The following UGT3A2 variants were observed in gnomAD, a reference collection of about 807,000 sequenced individuals.
UGT3A2 encodes the protein UDP-glycosyltransferase 3A2.
UGT3A2 carries 32 observed loss-of-function variants against 39.8 expected under a neutral mutation model. That is an observed-to-expected ratio of 0.80 (90% CI 0.61 to 1.08). The LOEUF is 1.08. UGT3A2 is among the 50% of genes least tolerant of loss of function. UGT3A2 has a pLI of 0.00. For synonymous variants in UGT3A2, 241 were observed against 230.7 expected (o/e 1.04, Z -0.40); for missense variants, 611 against 637.1 (o/e 0.96, Z 0.44).
intron 2 of UGT3A2, among the ~76,000 whole-genome samples, chr5:36,060,027 G>C (rs1225809341): frequency 1.3e-5 from 2 of 152,164 alleles, no homozygotes. Context: ...GGACCAACTG[G>C]AGTCACACTC....
intron 2 of UGT3A2, among the ~76,000 whole-genome samples, chr5:36,060,101 G>A (rs1288831784): frequency 6.6e-6 from 1 of 152,210 alleles, no homozygotes; most frequent in East Asian, 1.9e-4. Context: ...GAAACTGTTA[G>A]AGCATCAGGG....
intron 3 of UGT3A2, 49 bp from the exon 4 acceptor site, chr5:36,049,469 C>A: frequency 7.2e-7 from 1 of 1,392,746 alleles, no homozygotes; most frequent in African/African-American, 1.4e-5. Context: ...GTTAAATTTA[C>A]AGTACATAAA....
intron 4 of UGT3A2, among the ~76,000 whole-genome samples, chr5:36,045,600 CAA>C (rs201945740): frequency 5.6e-5 from 5 of 89,064 alleles, no homozygotes; most frequent in Non-Finnish European, 2.3e-5. Flanking sequence ...TCCTCAGTCT[CAA>C]AAAAAAAAAA....
At chr5:36,036,166 T>C (rs1741821943) in intron 6 of UGT3A2, among the ~76,000 whole-genome samples, 192 bp from the exon 7 acceptor site, 1 of 152,130 alleles carries the variant, frequency 6.6e-6, no homozygotes, top group African/African-American at 2.4e-5. Flanking sequence ...ATGCTAAAAG[T>C]CTTAAACTTA....
chr5:36,045,792 A>G (rs150338258), intron 4 of UGT3A2, among the ~76,000 whole-genome samples: 567 of 152,260 alleles, frequency 3.7e-3, no homozygotes, highest in Non-Finnish European at 6.6e-3. Context: ...ATCAAGTTAG[A>G]AGGCTTCTAT....
chr5:36,049,367 C>A lies in UGT3A2; in HGVS notation c.365G>T (p.Ser122Ile). 6.2e-7 allele frequency: 1 copy of A among 1,606,664 alleles called. No individual in the cohort carries two copies. The highest frequency in any genetic ancestry group is 8.5e-7 in the Non-Finnish European group (1 of 1,177,888). ...GATATCCTTTCTATTTAAAAAATGA[C>A]TGCACTGCAACGCCAAGTATTCTAG... is the stretch of plus-strand genomic sequence containing the variant. The part of the protein sequence containing the change: ...NVLEYLALQC[S>I]HFLNRKDIMD... The change falls in exon 4 of 7, where the codon AGT becomes ATT. Residue 122 changes from serine to isoleucine, a missense_variant. Ser to Ile is a moderately radical substitution (Grantham distance 142). Transcript: ENST00000282507.
At chr5:36,048,820 T>A in intron 4 of UGT3A2, 69 bp downstream of exon 4, 2 of 1,555,332 alleles carry the variant, frequency 1.3e-6, no homozygotes, top group Non-Finnish European at 1.7e-6. Flanking sequence ...TACTGGCAAG[T>A]GGCAGCCACC....
rs1742816573 is a variant in UGT3A2 at position 36,064,418 on chromosome 5, A to G, written c.95-68T>C. The G allele has an allele frequency of 7.4e-6, 10 of 1,350,440 alleles. 1 individual carries two copies. The South Asian group carries it at 1.2e-4, about 17-fold the overall frequency. The allele number at this position is 1,350,440 out of a possible 1,614,324, so 83.7% of individuals were successfully genotyped here. On this transcript the variant is annotated intron_variant, in intron 1 of 6. Coordinates refer to ENST00000282507, the MANE Select transcript of UGT3A2 (RefSeq NM_174914.4). ...CAGTGTCTGAAGTCAGTAGTGATCA[A>G]TCCAGGAGAGGAAAGGTAAGGAAAC...
chr5:36,058,184 T>C (rs1385132931), intron 2 of UGT3A2, among the ~76,000 whole-genome samples: 1 of 152,216 alleles, frequency 6.6e-6, no homozygotes, highest in East Asian at 1.9e-4. Context: ...ATCCATAAAA[T>C]TGAATATCCA....
intron 3 of UGT3A2, among the ~76,000 whole-genome samples, chr5:36,050,962 C>A (rs182376443): frequency 1.3e-3 from 202 of 152,044 alleles, no homozygotes; most frequent in African/African-American, 4.7e-3. Flanking sequence ...TAAGAATGCA[C>A]TCTTAACTAT....
intron 6 of UGT3A2, among the ~76,000 whole-genome samples, 188 bp downstream of exon 6, chr5:36,037,609 G>C (rs1427353205): frequency 6.6e-6 from 1 of 152,140 alleles, no homozygotes; most frequent in Admixed American, 6.5e-5. Context: ...TAACTTAAAT[G>C]CTCTAGTCTT....
Position 36,049,146 on chromosome 5 carries a change from C to T in UGT3A2, c.586G>A (p.Asp196Asn). 3 of 1,614,134 alleles carry T rather than the reference C, an allele frequency of 1.9e-6. No homozygotes were observed. Among genetic ancestry groups the T allele is most frequent in the Non-Finnish European group, 2.5e-6 (3 of 1,180,034 alleles). ...AAATTCTTCACTCGGCCCCAGAAGT[C>T]CATGTGATCAGTCAGCAAGGAACGG... ...VFRSLLTDHM[D>N]FWGRVKNFLM... The change falls in exon 4 of 7, where the codon GAC becomes AAC. Residue 196 changes from aspartate (D) to asparagine (N), a missense_variant. Coordinates refer to ENST00000282507, the MANE Select transcript of UGT3A2 (RefSeq NM_174914.4).
intron 2 of UGT3A2, among the ~76,000 whole-genome samples, chr5:36,062,072 C>T (rs1742723033): frequency 6.6e-6 from 1 of 151,884 alleles, no homozygotes; most frequent in Non-Finnish European, 1.5e-5. Flanking sequence ...GTCCTTCACC[C>T]ACTTTTTGAT....
intron 4 of UGT3A2, among the ~76,000 whole-genome samples, chr5:36,044,481 G>A (rs1742106719): frequency 6.6e-6 from 1 of 152,138 alleles, no homozygotes; most frequent in Non-Finnish European, 1.5e-5. Context: ...TCTAGCTAGA[G>A]CAATCAGAAA....
chr5:36,056,019 G>A (rs75252649), intron 2 of UGT3A2, among the ~76,000 whole-genome samples: 2,393 of 152,184 alleles, frequency 0.016, 57 homozygotes, highest in African/African-American at 0.055. Context: ...TTACAGGCAT[G>A]AGCCACCGCG....
chr5:36,035,841 G>A lies in UGT3A2; in HGVS notation c.1429C>T (p.Gln477Ter). 6.2e-7 allele frequency: 1 copy of A among 1,614,196 alleles called. No individual in the cohort carries two copies. Among genetic ancestry groups the A allele is most frequent in the African/African-American group, 1.3e-5 (1 of 75,052 alleles). The change falls in exon 7 of 7, where the codon CAG (glutamine) becomes TAG (stop). Residue 477 changes from glutamine to a stop codon, truncating the protein, a stop_gained. Transcript: ENST00000282507. LOFTEE classifies it low-confidence loss of function (END_TRUNC). ...AGGTACTGCTCATGCCAGGGCTGCT[G>A]AAAGACATAGGGCTTGAGGTGCGTC... ...GATHLKPYVF[Q>*]QPWHEQYLLD... is the part of the protein sequence containing the mutation.
intron 4 of UGT3A2, among the ~76,000 whole-genome samples, chr5:36,041,515 A>T (rs1336964958): frequency 6.6e-6 from 1 of 152,174 alleles, no homozygotes; most frequent in African/African-American, 2.4e-5. Flanking sequence ...CCCCTCCCCC[A>T]ACTCCAGGCA....
chr5:36,066,587 A>C (rs1742885441), intron 1 of UGT3A2, 109 bp downstream of exon 1: 4 of 1,576,944 alleles, frequency 2.5e-6, no homozygotes, highest in Non-Finnish European at 3.5e-6. Context: ...CCGCAAGCCC[A>C]GCCTGGAAAA....
In UGT3A2 at chr5:36,052,000, C is replaced by T. The variant is rs773437297; in HGVS notation, c.197-16G>A. 6.0e-5 allele frequency: 91 copies of T among 1,504,916 alleles called. No individual in the cohort carries two copies. In the Admixed American group the frequency reaches 1.5e-3, roughly 25 times the overall value. 93.2% of individuals were successfully genotyped at this position (1,504,916 alleles called of 1,614,324 possible). A position where few individuals can be genotyped will look rare whatever the true frequency, so the allele number is the denominator to read the frequency against. Reference sequence around the variant, plus strand: ...TTTTTAAAATCTAAGAAAACAGCAACGGGTTAAAAAAAAAGTTAAATATGC... The same window carrying T: ...TTTTTAAAATCTAAGAAAACAGCAATGGGTTAAAAAAAAAGTTAAATATGC... On this transcript the variant is annotated splice_polypyrimidine_tract_variant and intron_variant, in intron 2 of 6. Transcript: ENST00000282507.
Sources: allele counts gnomAD v4.1 joint callset (sites outside exome capture counted in the v4.1 genomes callset), GRCh38; gene constraint gnomAD v4.1.1; transcripts MANE v1.5; gene names NCBI Gene and HGNC (gene_info 2026-07-23, HGNC 2026-07-21).